The following CDYL2 variants were observed in gnomAD, a reference collection of about 807,000 sequenced individuals.
CDYL2 encodes the protein chromodomain Y-like protein 2.
In CDYL2, 23 loss-of-function variants were observed where a neutral mutation model predicts 49.4. The observed-to-expected ratio is 0.47, with a 90% CI of 0.34 to 0.66. The LOEUF (loss-of-function observed/expected upper bound fraction) is 0.66, where lower values mean the gene tolerates loss of function less well. Ranked by LOEUF, CDYL2 falls within the 30% of genes least tolerant of loss-of-function variation. CDYL2 has a pLI of 0.01. For missense variants in CDYL2, 678 were observed against 656.4 expected, an observed-to-expected ratio of 1.03 and a Z score of -0.36; for synonymous variants, 360 against 268.8, an observed-to-expected ratio of 1.34 and a Z score of -3.32.
chr16:80,773,452 C>G (rs1475519121), intron 1 of CDYL2, among the ~76,000 whole-genome samples: 1 of 152,114 alleles, frequency 6.6e-6, no homozygotes, highest in Non-Finnish European at 1.5e-5. Flanking sequence ...GGTTAAATAT[C>G]TGAATACACA....
At chr16:80,804,126 G>A in intron 1 of CDYL2, 24 bp downstream of exon 1, 5 of 1,160,542 alleles carry the variant, frequency 4.3e-6, no homozygotes, top group South Asian at 1.9e-5. Context: ...ACTGGGGCCG[G>A]CCCGCGCCCC....
intron 1 of CDYL2, among the ~76,000 whole-genome samples, chr16:80,803,733 G>A (rs1908003005): frequency 7.1e-6 from 1 of 140,292 alleles, no homozygotes; most frequent in Non-Finnish European, 1.6e-5. Flanking sequence ...GCCGGCCGCG[G>A]CGCGCCCCCC....
chr16:80,737,934 A>C (rs1258532980), intron 1 of CDYL2, among the ~76,000 whole-genome samples: 1 of 152,136 alleles, frequency 6.6e-6, no homozygotes, highest in Non-Finnish European at 1.5e-5. Flanking sequence ...TTTGTTACAT[A>C]GGTATACATG....
At chr16:80,625,198 G>C (rs1265458179) in intron 3 of CDYL2, among the ~76,000 whole-genome samples, 2 of 152,232 alleles carry the variant, frequency 1.3e-5, no homozygotes, top group African/African-American at 4.8e-5. Context: ...TTGTCAGCAA[G>C]ACTGCATTCC....
At chr16:80,616,934 G>A (rs761135309) in intron 4 of CDYL2, among the ~76,000 whole-genome samples, 1 of 152,190 alleles carries the variant, frequency 6.6e-6, no homozygotes, top group African/African-American at 2.4e-5. Flanking sequence ...CATACCCAAA[G>A]CTCCACCACC....
At chr16:80,773,380 C>A (rs532888968) in intron 1 of CDYL2, among the ~76,000 whole-genome samples, 1 of 152,148 alleles carries the variant, frequency 6.6e-6, no homozygotes, top group Admixed American at 6.5e-5. Context: ...ATAATCGGAA[C>A]AGAGATTTTT....
intron 1 of CDYL2, among the ~76,000 whole-genome samples, chr16:80,736,064 T>C (rs182355478): frequency 8.5e-5 from 13 of 152,322 alleles, no homozygotes; most frequent in East Asian, 7.7e-4. Context: ...TTTTATGACA[T>C]AGGCCAGTGA....
chr16:80,737,036 G>C (rs1273009949), intron 1 of CDYL2, among the ~76,000 whole-genome samples: 1 of 152,188 alleles, frequency 6.6e-6, no homozygotes, highest in African/African-American at 2.4e-5. Flanking sequence ...GGCTCCTGTG[G>C]AAAGAGAAGA....
intron 1 of CDYL2, among the ~76,000 whole-genome samples, chr16:80,726,780 A>C (rs1905176180): frequency 6.6e-6 from 1 of 150,986 alleles, no homozygotes; most frequent in Admixed American, 6.6e-5. Context: ...CAACAACAAC[A>C]ACAATCACAA....
At chr16:80,726,214 G>A (rs1905157960) in intron 1 of CDYL2, among the ~76,000 whole-genome samples, 2 of 152,162 alleles carry the variant, frequency 1.3e-5, no homozygotes. Context: ...CCACATACAT[G>A]TTGCAAAGGG....
In CDYL2 at chr16:80,677,336, T is replaced by C. The variant is rs1227423320; in HGVS notation, c.616+7202A>G. Among the ~76,000 whole-genome samples, 6 of 152,200 alleles carry C rather than the reference T, an allele frequency of 3.9e-5. No homozygotes were observed. In the East Asian group the frequency reaches 1.2e-3, roughly 29 times the overall value. On this transcript the variant is annotated intron_variant, in intron 2 of 6. Transcript: ENST00000570137. ...CCCTCCTTTAGGCTGTTTTGTTGAGTTGTATTTCTCTATGGAAGTGATGAT... is the reference window on the plus strand; with the variant it reads ...CCCTCCTTTAGGCTGTTTTGTTGAGCTGTATTTCTCTATGGAAGTGATGAT...
intron 2 of CDYL2, among the ~76,000 whole-genome samples, chr16:80,683,814 C>A (rs1910064419): frequency 6.6e-6 from 1 of 152,208 alleles, no homozygotes; most frequent in African/African-American, 2.4e-5. Context: ...AAGGCACCAG[C>A]TAAGAGGAAC....
chr16:80,705,557 T>C (rs1234614539), intron 1 of CDYL2, among the ~76,000 whole-genome samples: 1 of 152,258 alleles, frequency 6.6e-6, no homozygotes, highest in Non-Finnish European at 1.5e-5. Context: ...GTTCTTCCTA[T>C]TCCAACAAAG....
Position 80,780,076 on chromosome 16 carries a change from A to G in CDYL2, c.24+24074T>C, listed in dbSNP as rs541364824. Among the ~76,000 whole-genome samples, 12 of 152,272 alleles carry G rather than the reference A, an allele frequency of 7.9e-5. No homozygotes were observed. In the East Asian group the frequency reaches 1.5e-3, roughly 20 times the overall value. On this transcript the variant is annotated intron_variant, in intron 1 of 6. Coordinates refer to ENST00000570137, the MANE Select transcript of CDYL2 (RefSeq NM_152342.4). The stretch of plus-strand genomic sequence containing the variant: ...GTCCCAAACTTCATATAATCTAAGG[A>G]CCTGAAAACAATCTTATAAAGAAAG...
chr16:80,749,470 A>G (rs531012825), intron 1 of CDYL2, among the ~76,000 whole-genome samples: 5 of 151,938 alleles, frequency 3.3e-5, no homozygotes, highest in Non-Finnish European at 5.9e-5. Context: ...CCAGAAATTA[A>G]CCCCCTATTT....
At chr16:80,639,117 T>G (rs1907967741) in intron 2 of CDYL2, among the ~76,000 whole-genome samples, 1 of 152,204 alleles carries the variant, frequency 6.6e-6, no homozygotes, top group Non-Finnish European at 1.5e-5. Context: ...TCATTTTTCA[T>G]TAGGGAACTA....
At chr16:80,634,835 T>C (rs1205290160) in intron 2 of CDYL2, among the ~76,000 whole-genome samples, 1 of 151,898 alleles carries the variant, frequency 6.6e-6, no homozygotes, top group Non-Finnish European at 1.5e-5. Context: ...ACTAAAGAAA[T>C]TGAATCAATA....
At chr16:80,668,195 G>A (rs953380879) in intron 2 of CDYL2, among the ~76,000 whole-genome samples, 4 of 152,164 alleles carry the variant, frequency 2.6e-5, no homozygotes, top group Non-Finnish European at 4.4e-5. Flanking sequence ...CGTTCCACAC[G>A]TCCTGACTCA....
intron 1 of CDYL2, among the ~76,000 whole-genome samples, chr16:80,772,125 T>G (rs774793626): frequency 1.3e-5 from 2 of 152,204 alleles, no homozygotes; most frequent in African/African-American, 2.4e-5. Flanking sequence ...AGTCCGATAA[T>G]TCTTTACTTC....
Sources: gnomAD v4.1 joint callset for allele counts (sites outside exome capture counted in the v4.1 genomes callset) on GRCh38, gnomAD v4.1.1 for gene constraint, MANE v1.5 for transcripts, NCBI Gene and HGNC (gene_info 2026-07-23, HGNC 2026-07-21) for gene names.